Variants in TNS1 observed in about 807,000 individuals in gnomAD.
TNS1 encodes tensin 1, also known as tensin-1.
TNS1 carries 62 observed loss-of-function variants against 168.6 expected under a neutral mutation model. That is an observed-to-expected ratio of 0.37 (90% confidence interval 0.30 to 0.45). The LOEUF (loss-of-function observed/expected upper bound fraction) is 0.45. TNS1 is among the 20% of genes least tolerant of loss of function. The pLI is 1.00. For missense variants in TNS1, 2,240 were observed against 2,339.4 expected (o/e 0.96, Z 0.88); for synonymous variants, 934 against 933.2 (o/e 1.00, Z -0.02).
At chr2:218,010,843 C>T (rs1429380551), upstream of TNS1, among the ~76,000 whole-genome samples, 1 of 152,204 alleles carries the variant, frequency 6.6e-6, no homozygotes, top group Non-Finnish European at 1.5e-5. Context: ...CCTCCGGCTT[C>T]CATGACCCAA....
intron 3 of TNS1, among the ~76,000 whole-genome samples, chr2:217,930,451 C>T (rs1447669664): frequency 6.6e-6 from 1 of 152,126 alleles, no homozygotes; most frequent in African/African-American, 2.4e-5. Flanking sequence ...GCACACAGGG[C>T]CAAACAGAGA....
Position 217,804,143 on chromosome 2 carries a change from T to A in TNS1, c.*316A>T. The stretch of plus-strand genomic sequence containing the variant: ...GTTTGTTCCTTCTCTTTTGAGGACA[T>A]CCATCTTCTTAGGGGAGGGAGGGGG... On this transcript the variant is annotated 3_prime_UTR_variant, in exon 33 of 33. Transcript: ENST00000682258. The A allele has an allele frequency of 3.9e-6, 1 of 258,920 alleles. No individual in the cohort carries two copies. Among genetic ancestry groups the A allele is most frequent in the Non-Finnish European group, 7.4e-6 (1 of 134,752 alleles). 16.0% of individuals were successfully genotyped at this position (258,920 alleles called of 1,614,324 possible).
At chr2:217,958,981 G>A (rs1957431501) in intron 3 of TNS1, among the ~76,000 whole-genome samples, 1 of 152,198 alleles carries the variant, frequency 6.6e-6, no homozygotes. Flanking sequence ...CACTGAGCAA[G>A]TCTTGCCTCC....
chr2:217,948,222 G>A lies in TNS1; in HGVS notation c.187-27986C>T, dbSNP rs755725062. 2.6e-5 allele frequency among the ~76,000 whole-genome samples: 4 copies of A among 152,160 alleles called. No homozygotes were observed. The highest frequency in any genetic ancestry group is 5.9e-5 in the Non-Finnish European group (4 of 68,024). On this transcript the variant is annotated intron_variant, in intron 3 of 32. Coordinates refer to ENST00000682258, the MANE Select transcript of TNS1 (RefSeq NM_001387777.1). This position sits in a 1 kb window ranked among gnomAD's most constrained non-coding sequence, Gnocchi z 4.1. ...ACAAGATTCCCAGCAGGGAGGGGTC[G>A]GTTCCCCAACTCTTCCTGTGATGGG...
upstream of TNS1, among the ~76,000 whole-genome samples, chr2:218,014,967 G>A (rs1037539118): frequency 1.3e-5 from 2 of 152,076 alleles, no homozygotes; most frequent in Non-Finnish European, 2.9e-5. Context: ...AGCCATTTCT[G>A]TTTCCAAATC....
At chr2:217,938,075 A>T (rs1168010090) in intron 3 of TNS1, among the ~76,000 whole-genome samples, 1 of 152,200 alleles carries the variant, frequency 6.6e-6, no homozygotes, top group Non-Finnish European at 1.5e-5. Context: ...GCAGGGGCCA[A>T]GGAAGGGAAG....
chr2:217,867,025 C>T (rs1949342738), intron 18 of TNS1, among the ~76,000 whole-genome samples: 2 of 152,216 alleles, frequency 1.3e-5, no homozygotes, highest in African/African-American at 4.8e-5. Flanking sequence ...CCCTACCTGG[C>T]TGTGTAAGCA....
chr2:217,848,088 A>G lies in TNS1; in HGVS notation c.2429T>C (p.Leu810Ser). 6.4e-7 allele frequency: 1 copy of G among 1,556,272 alleles called. No individual in the cohort carries two copies. The highest frequency in any genetic ancestry group is 1.4e-5 in the African/African-American group (1 of 73,366). ...LVASRPSPQP[L>S]AETPIPSLPE... is the part of the protein sequence containing the mutation. Reference sequence around the variant, plus strand: ...GAGACTGGGGATGGGGGTCTCTGCCAATGGCTGAGGGCTGGGCCTGCTGGC... The same window carrying G: ...GAGACTGGGGATGGGGGTCTCTGCCGATGGCTGAGGGCTGGGCCTGCTGGC... The change falls in exon 19 of 33, where the codon TTG becomes TCG. Residue 810 changes from leucine (L) to serine (S), a missense_variant. Leu to Ser is a moderately radical substitution (Grantham distance 145). This residue lies in a region of TNS1 where 2,131 missense variants were observed against 2,171.2 expected (regional missense o/e 0.98). Coordinates refer to ENST00000682258, the MANE Select transcript of TNS1 (RefSeq NM_001387777.1).
chr2:217,975,396 TA>T (rs1165605587), intron 3 of TNS1, among the ~76,000 whole-genome samples: 1 of 152,138 alleles, frequency 6.6e-6, no homozygotes, highest in Non-Finnish European at 1.5e-5. Context: ...GGGGGCCATT[TA>T]TTACACCATA....
intron 19 of TNS1, chr2:217,841,239 C>T (rs1298051133): frequency 4.1e-6 from 4 of 984,230 alleles, no homozygotes; most frequent in African/African-American, 1.8e-5. Context: ...GAGGAGGGGG[C>T]GGGAAGCTGC....
At chr2:217,923,876 G>A (rs1389339880) in intron 3 of TNS1, among the ~76,000 whole-genome samples, 1 of 152,162 alleles carries the variant, frequency 6.6e-6, no homozygotes, top group Non-Finnish European at 1.5e-5. Context: ...CCCAGACCAG[G>A]GCTGATGCCT....
At position 217,886,114 on chromosome 2, in the gene TNS1, T is replaced by A. The variant is rs747224467; in HGVS notation, c.980-10A>T. 9 of 1,609,824 alleles carry A rather than the reference T, an allele frequency of 5.6e-6. No homozygotes were observed. The African/African-American group carries it at 9.5e-5, about 17-fold the overall frequency. On this transcript the variant is annotated splice_polypyrimidine_tract_variant and intron_variant, in intron 13 of 32. Transcript: ENST00000682258. ...AGAAATGGCCGACATCCTGTAAAAGTGGGGTGGGTGTTAGCTAAGACAGCA... is the reference window on the plus strand; with the variant it reads ...AGAAATGGCCGACATCCTGTAAAAGAGGGGTGGGTGTTAGCTAAGACAGCA...
At chr2:217,969,870 T>C (rs947556927) in intron 3 of TNS1, among the ~76,000 whole-genome samples, 4 of 152,248 alleles carry the variant, frequency 2.6e-5, no homozygotes, top group African/African-American at 9.6e-5. Flanking sequence ...GGTTGAATTA[T>C]GTCCCTCACA....
At chr2:217,869,327 A>G (rs1949562743) in intron 18 of TNS1, among the ~76,000 whole-genome samples, 1 of 152,236 alleles carries the variant, frequency 6.6e-6, no homozygotes, top group Non-Finnish European at 1.5e-5. Flanking sequence ...CAACTTTGCC[A>G]AAGCAAATCA....
chr2:217,971,213 T>G (rs1957766728), intron 3 of TNS1, among the ~76,000 whole-genome samples: 2 of 152,196 alleles, frequency 1.3e-5, no homozygotes, highest in South Asian at 4.1e-4. Context: ...GGAAGTTCCT[T>G]CACACACCTT....
chr2:217,948,261 T>C lies in TNS1; in HGVS notation c.187-28025A>G, dbSNP rs1473540482. Among the ~76,000 whole-genome samples, 1 of 152,074 alleles carries C rather than the reference T, an allele frequency of 6.6e-6. No homozygotes were observed. Among genetic ancestry groups the C allele is most frequent in the Non-Finnish European group, 1.5e-5 (1 of 67,982 alleles). The stretch of plus-strand genomic sequence containing the variant: ...TCCTGTGATGGGTGGGAAGTGTTAG[T>C]CTCTGGGGCAATTACTGGAGCCGCC... On this transcript the variant is annotated intron_variant, in intron 3 of 32. Coordinates refer to ENST00000682258, the MANE Select transcript of TNS1 (RefSeq NM_001387777.1). This position sits in a 1 kb window ranked among gnomAD's most constrained non-coding sequence, Gnocchi z 4.1.
Position 217,886,770 on chromosome 2 carries a change from A to C in TNS1, c.867-124T>G, listed in dbSNP as rs1216667316. 7 of 741,186 alleles carry C rather than the reference A, an allele frequency of 9.4e-6. No individual in the cohort carries two copies. In the East Asian group the frequency reaches 1.6e-4, roughly 17 times the overall value. 45.9% of individuals were successfully genotyped at this position (741,186 alleles called of 1,614,324 possible). A position where few individuals can be genotyped will look rare whatever the true frequency, so the allele number is the denominator to read the frequency against. On this transcript the variant is annotated intron_variant, in intron 12 of 32. Coordinates refer to ENST00000682258, the MANE Select transcript of TNS1 (RefSeq NM_001387777.1). The stretch of plus-strand genomic sequence containing the variant: ...CTACTCTACCCTCTCCCCAACCAAC[A>C]TGGTCCCCCTCCCCAACCAGGCCTC...
chr2:217,942,708 C>T (rs1442681660), intron 3 of TNS1, among the ~76,000 whole-genome samples: 1 of 152,138 alleles, frequency 6.6e-6, no homozygotes, highest in Admixed American at 6.5e-5. Flanking sequence ...AAGAGAAGCC[C>T]TTGTCTCCAA....
At chr2:217,951,839 G>A (rs1424116852) in intron 3 of TNS1, among the ~76,000 whole-genome samples, 1 of 152,250 alleles carries the variant, frequency 6.6e-6, no homozygotes, top group Non-Finnish European at 1.5e-5. Flanking sequence ...GACGTCCCCA[G>A]GTTTTTCAGT....
Sources: allele counts gnomAD v4.1 joint callset (sites outside exome capture counted in the v4.1 genomes callset), GRCh38; gene constraint gnomAD v4.1.1; regional missense constraint gnomAD v4.1.1; non-coding constraint Gnocchi (gnomAD v3.1); transcripts MANE v1.5; gene names NCBI Gene and HGNC (gene_info 2026-07-23, HGNC 2026-07-21).